The following ABLIM3 variants were observed in gnomAD, a reference collection of about 807,000 sequenced individuals.
ABLIM3 encodes the protein actin-binding LIM protein 3.
ABLIM3 carries 61 observed loss-of-function variants against 109.5 expected under a neutral mutation model. The observed-to-expected ratio is 0.56, with a 90% CI of 0.45 to 0.69. The LOEUF (loss-of-function observed/expected upper bound fraction) is 0.69, where lower values mean the gene tolerates loss of function less well. ABLIM3 is among the 30% of genes least tolerant of loss of function. The pLI is 0.00. For synonymous variants in ABLIM3, 300 were observed against 324.8 expected (o/e 0.92, Z 0.82); for missense variants, 796 against 889.5 (o/e 0.89, Z 1.34).
Position 149,152,338 on chromosome 5 carries a change from G to A in ABLIM3, c.13+10230G>A, listed in dbSNP as rs146807309. ...AAGTGATTCTTCACACAGAGATGTG[G>A]AAGCTGCAGCACATCTGTTAATGAT... On this transcript the variant is annotated intron_variant, in intron 2 of 23. Transcript: ENST00000309868. Among the ~76,000 whole-genome samples the A allele has an allele frequency of 3.5e-3, 526 of 152,278 alleles. 4 individuals carry two copies. Among genetic ancestry groups the A allele is most frequent in the African/African-American group, 0.012 (484 of 41,544 alleles).
intron 2 of ABLIM3, among the ~76,000 whole-genome samples, chr5:149,157,040 G>GGGGT (rs1366876773): frequency 6.6e-6 from 1 of 152,246 alleles, no homozygotes; most frequent in Non-Finnish European, 1.5e-5. Context: ...GTAATCACAA[G>GGGGT]GGGTGTTACT....
chr5:149,181,851 G>A (rs558531651), intron 2 of ABLIM3, among the ~76,000 whole-genome samples: 1 of 152,240 alleles, frequency 6.6e-6, no homozygotes, highest in Non-Finnish European at 1.5e-5. Context: ...TCTTGCTCAT[G>A]ATAGAGGTTT....
intron 7 of ABLIM3, 188 bp from the exon 8 acceptor site, chr5:149,216,771 G>A (rs1760131402): frequency 3.4e-6 from 2 of 589,650 alleles, no homozygotes; most frequent in African/African-American, 3.7e-5. Flanking sequence ...GGGATCCATG[G>A]AGTGAATCAC....
chr5:149,248,346 C>G (rs1581239068), intron 18 of ABLIM3, among the ~76,000 whole-genome samples: 1 of 152,110 alleles, frequency 6.6e-6, no homozygotes, highest in East Asian at 1.9e-4. Flanking sequence ...GCAGTCACTC[C>G]CATTGCTTTG....
intron 23 of ABLIM3, among the ~76,000 whole-genome samples, chr5:149,257,937 C>T (rs1455002650): frequency 6.6e-6 from 1 of 152,106 alleles, no homozygotes; most frequent in Non-Finnish European, 1.5e-5. Flanking sequence ...TAACATGAAT[C>T]CACACACACT....
chr5:149,223,728 G>T (rs1760896808), intron 8 of ABLIM3, among the ~76,000 whole-genome samples: 3 of 152,194 alleles, frequency 2.0e-5, no homozygotes, highest in Admixed American at 2.0e-4. Flanking sequence ...GCTCAGCAGA[G>T]AAGTTCCAGA....
intron 11 of ABLIM3, among the ~76,000 whole-genome samples, chr5:149,238,441 G>A (rs544988441): frequency 3.9e-5 from 6 of 152,300 alleles, no homozygotes; most frequent in South Asian, 2.1e-4. Flanking sequence ...CCAGTGCTGA[G>A]ATTCTCTGGT....
chr5:149,260,516 C>CA lies in ABLIM3; in HGVS notation c.*2116dup, dbSNP rs1304952342. The CA allele has an allele frequency of 1.3e-5, 2 of 152,414 alleles. No individual in the cohort carries two copies. Among genetic ancestry groups the CA allele is most frequent in the South Asian group, 2.1e-4 (1 of 4,818 alleles). The allele number at this position is 152,414 out of a possible 1,614,324, so 9.4% of individuals were successfully genotyped here. On this transcript the variant is annotated 3_prime_UTR_variant, in exon 24 of 24. Transcript: ENST00000309868. ...AAGAGGCTGAACCCTGCACATTTTT[C>CA]AAAATGAAAGCACCAAAACAGCAGC... is the stretch of plus-strand genomic sequence containing the variant.
chr5:149,169,828 G>A (rs1041656038), intron 2 of ABLIM3, among the ~76,000 whole-genome samples: 1 of 152,206 alleles, frequency 6.6e-6, no homozygotes, highest in Admixed American at 6.5e-5. Context: ...GTTAGATACA[G>A]GAGGTGTATC....
Position 149,242,517 on chromosome 5 carries a change from C to G in ABLIM3, c.1330C>G (p.Pro444Ala). ...TGGAGACAGTAACATCTACCGGAAA[C>G]CCCCGATCTACAAACGGCATGGTAT... ...PAGDSNIYRK[P>A]PIYKRHGDLS... The change falls in exon 15 of 24, where the codon CCC becomes GCC. Residue 444 changes from proline to alanine, a missense_variant. By Grantham distance (27) the Pro-to-Ala change is conservative. Transcript: ENST00000309868. 6.2e-7 allele frequency: 1 copy of G among 1,614,120 alleles called. No individual in the cohort carries two copies. Among genetic ancestry groups the G allele is most frequent in the Non-Finnish European group, 8.5e-7 (1 of 1,180,028 alleles).
intron 12 of ABLIM3, among the ~76,000 whole-genome samples, 174 bp downstream of exon 12, chr5:149,239,451 A>C (rs922327629): frequency 6.6e-6 from 1 of 152,164 alleles, no homozygotes; most frequent in African/African-American, 2.4e-5. Context: ...AGTGGCATAC[A>C]GGATGGAAAT....
chr5:149,184,606 TCAGAA>T (rs982073299), intron 3 of ABLIM3, among the ~76,000 whole-genome samples: 16 of 152,194 alleles, frequency 1.1e-4, no homozygotes, highest in Non-Finnish European at 5.9e-5. Context: ...AGTATGATAC[TCAGAA>T]CAGATCACAG....
At chr5:149,238,322 G>A (rs1752446198) in intron 11 of ABLIM3, among the ~76,000 whole-genome samples, 1 of 152,130 alleles carries the variant, frequency 6.6e-6, no homozygotes, top group Non-Finnish European at 1.5e-5. Context: ...AGCCTGTCCT[G>A]GTGGGCAGGG....
chr5:149,235,587 G>T (rs1762266879), intron 10 of ABLIM3, among the ~76,000 whole-genome samples: 1 of 152,178 alleles, frequency 6.6e-6, no homozygotes, highest in Non-Finnish European at 1.5e-5. Flanking sequence ...GAGGTTTGGG[G>T]TAAAGTGCCA....
intron 2 of ABLIM3, among the ~76,000 whole-genome samples, chr5:149,145,925 G>T (rs13187193): frequency 1.3e-5 from 2 of 151,784 alleles, no homozygotes; most frequent in Admixed American, 6.6e-5. Flanking sequence ...AGCTAGGACC[G>T]CAGGTGGGTG....
intron 15 of ABLIM3, chr5:149,244,446 G>A: frequency 5.8e-6 from 1 of 173,780 alleles, no homozygotes; most frequent in Admixed American, 5.5e-5. Flanking sequence ...AAATGATGGA[G>A]TTCAAATTTA....
chr5:149,176,064 C>T (rs898156924), intron 2 of ABLIM3, among the ~76,000 whole-genome samples: 9 of 152,170 alleles, frequency 5.9e-5, no homozygotes, highest in Admixed American at 1.3e-4. Flanking sequence ...CAGCCAGGCC[C>T]GGGCCATCTG....
chr5:149,207,465 C>G (rs1481722893), intron 6 of ABLIM3, among the ~76,000 whole-genome samples: 1 of 152,180 alleles, frequency 6.6e-6, no homozygotes, highest in Non-Finnish European at 1.5e-5. Context: ...TTCCTTCACA[C>G]AGGCTACCAC....
At chr5:149,185,119 A>T (rs1756835003) in intron 3 of ABLIM3, among the ~76,000 whole-genome samples, 1 of 152,226 alleles carries the variant, frequency 6.6e-6, no homozygotes, top group Admixed American at 6.5e-5. Context: ...TGTATCAGTT[A>T]CCTTTTACTT....
Sources: allele counts gnomAD v4.1 joint callset (sites outside exome capture counted in the v4.1 genomes callset), GRCh38; gene constraint gnomAD v4.1.1; transcripts MANE v1.5; gene names NCBI Gene and HGNC (gene_info 2026-07-23, HGNC 2026-07-21).